Variants in ARPC3 observed in about 807,000 individuals in gnomAD.
The protein encoded by ARPC3 is actin related protein 2/3 complex subunit 3.
ARPC3 carries 12 observed loss-of-function variants against 27.6 expected under a neutral mutation model. That is an observed-to-expected ratio of 0.43 (90% CI 0.28 to 0.70). ARPC3 has a LOEUF of 0.70. Ranked by LOEUF, ARPC3 falls within the 30% of genes least tolerant of loss-of-function variation. The pLI is 0.17. For missense variants in ARPC3, 153 were observed against 207.7 expected, an observed-to-expected ratio of 0.74 and a Z score of 1.62; for synonymous variants, 53 against 67.2, an observed-to-expected ratio of 0.79 and a Z score of 1.03.
chr12:110,435,304 T>C (rs565784881), intron 6 of ARPC3, 87 bp from the exon 7 acceptor site: 10 of 1,023,258 alleles, frequency 9.8e-6, no homozygotes, highest in South Asian at 2.8e-5. Flanking sequence ...TTCACATTAG[T>C]CTGGAATCTC....
chr12:110,438,608 AAC>A (rs886912061), intron 3 of ARPC3, among the ~76,000 whole-genome samples: 1 of 151,348 alleles, frequency 6.6e-6, no homozygotes, highest in African/African-American at 2.4e-5. Flanking sequence ...AAAACAAAAA[AAC>A]AACAAAAAAA....
At chr12:110,437,896 C>A (rs1026257510) in intron 3 of ARPC3, among the ~76,000 whole-genome samples, 1 of 152,174 alleles carries the variant, frequency 6.6e-6, no homozygotes, top group Admixed American at 6.6e-5. Context: ...ATTTGACTTG[C>A]TCCCAAAGAA....
In ARPC3 at chr12:110,448,790, G is replaced by GT. The variant is rs553811052; in HGVS notation, c.6+1464_6+1465insA. ...GCTTCTTTTTTTCCGGGGGGGGGGG[G>GT]GGTGGTGGTACAGAGTCTCACTCTG... On this transcript the variant is annotated intron_variant, in intron 1 of 6. Coordinates refer to ENST00000228825, the MANE Select transcript of ARPC3 (RefSeq NM_001278556.2). 4.3e-4 allele frequency among the ~76,000 whole-genome samples: 40 copies of GT among 93,090 alleles called. 1 individual carries two copies. Among genetic ancestry groups the GT allele is most frequent in the South Asian group, 3.7e-3 (7 of 1,892 alleles). 61.1% of individuals were successfully genotyped at this position (93,090 alleles called of 152,430 possible).
intron 6 of ARPC3, among the ~76,000 whole-genome samples, chr12:110,435,552 A>C (rs2062398487): frequency 6.6e-6 from 1 of 151,798 alleles, no homozygotes; most frequent in Admixed American, 6.6e-5. Context: ...GGATGGTCTC[A>C]ATCTCCTGAC....
At chr12:110,442,315 A>G (rs1450251199) in intron 2 of ARPC3, among the ~76,000 whole-genome samples, 1 of 152,168 alleles carries the variant, frequency 6.6e-6, no homozygotes, top group African/African-American at 2.4e-5. Flanking sequence ...TCCTAAAAAT[A>G]AAAAGTATTC....
Position 110,450,298 on chromosome 12 carries a change from T to C in ARPC3, c.-38A>G. Reference sequence around the variant, plus strand: ...CGGGTTTCAACCCAGAGGAGCAGGATCCAGGTACAGCGGAGCGCTTCCGGT... The same window carrying C: ...CGGGTTTCAACCCAGAGGAGCAGGACCCAGGTACAGCGGAGCGCTTCCGGT... On this transcript the variant is annotated 5_prime_UTR_variant, in exon 1 of 7. Coordinates refer to ENST00000228825, the MANE Select transcript of ARPC3 (RefSeq NM_001278556.2). 6.2e-7 allele frequency: 1 copy of C among 1,613,808 alleles called. No individual in the cohort carries two copies. The highest frequency in any genetic ancestry group is 8.5e-7 in the Non-Finnish European group (1 of 1,179,904).
At chr12:110,440,172 G>C in intron 3 of ARPC3, 140 bp downstream of exon 3, 1 of 663,268 alleles carries the variant, frequency 1.5e-6, no homozygotes, top group Non-Finnish European at 2.7e-6. Flanking sequence ...TTATACAAAA[G>C]CTAACATTAA....
chr12:110,445,266 T>C, intron 2 of ARPC3, 186 bp downstream of exon 2: 1 of 584,846 alleles, frequency 1.7e-6, no homozygotes, highest in South Asian at 2.0e-5. Context: ...GAAGAAATAA[T>C]ACAATTTCCT....
chr12:110,450,262 T>A lies in ARPC3; in HGVS notation c.-2A>T. 1 of 1,614,076 alleles carries A rather than the reference T, an allele frequency of 6.2e-7. No homozygotes were observed. The highest frequency in any genetic ancestry group is 1.7e-5 in the Admixed American group (1 of 60,014). ...CGTGGATCGAACCCTCACCGGCATC[T>A]TGGCGGCGCCCGGGTTTCAACCCAG... is the stretch of plus-strand genomic sequence containing the variant. On this transcript the variant is annotated 5_prime_UTR_variant, in exon 1 of 7. In the 5' UTR this introduces an upstream ATG that the reference lacks. Transcript: ENST00000228825.
At chr12:110,442,120 T>C (rs1013699604) in intron 2 of ARPC3, among the ~76,000 whole-genome samples, 3 of 151,852 alleles carry the variant, frequency 2.0e-5, no homozygotes, top group African/African-American at 7.3e-5. Context: ...GTGATCCTCC[T>C]GCCTCCTGAG....
At chr12:110,449,421 G>T (rs1341138251) in intron 1 of ARPC3, among the ~76,000 whole-genome samples, 1 of 151,954 alleles carries the variant, frequency 6.6e-6, no homozygotes, top group East Asian at 1.9e-4. Flanking sequence ...AATTAGCTGG[G>T]CGTGGTGGCG....
Position 110,435,247 on chromosome 12 carries a change from A to C in ARPC3, c.475-30T>G, listed in dbSNP as rs780975272. The C allele has an allele frequency of 1.3e-5, 20 of 1,532,006 alleles. No homozygotes were observed. In the South Asian group the frequency reaches 2.1e-4, roughly 16 times the overall value. 94.9% of individuals were successfully genotyped at this position (1,532,006 alleles called of 1,614,324 possible). On this transcript the variant is annotated intron_variant, in intron 6 of 6. Transcript: ENST00000228825. Reference sequence around the variant, plus strand: ...CAAGAGAGAACAACACAGAATGAACAGCGGGGTCAAATTACAATAGAATTT... The same window carrying C: ...CAAGAGAGAACAACACAGAATGAACCGCGGGGTCAAATTACAATAGAATTT...
chr12:110,449,723 T>C lies in ARPC3; in HGVS notation c.6+532A>G, dbSNP rs192610376. On this transcript the variant is annotated intron_variant, in intron 1 of 6. Coordinates refer to ENST00000228825, the MANE Select transcript of ARPC3 (RefSeq NM_001278556.2). ...TCATAATTTTTTACTCCCACTCTGATGGCACACGAAAAAGGAAATCTTTGG... is the reference window on the plus strand; with the variant it reads ...TCATAATTTTTTACTCCCACTCTGACGGCACACGAAAAAGGAAATCTTTGG... Among the ~76,000 whole-genome samples the C allele has an allele frequency of 3.5e-3, 528 of 152,266 alleles. 2 individuals carry two copies. Among genetic ancestry groups the C allele is most frequent in the African/African-American group, 0.012 (496 of 41,552 alleles).
At chr12:110,436,057 G>T in intron 6 of ARPC3, 53 bp downstream of exon 6, 3 of 1,357,532 alleles carry the variant, frequency 2.2e-6, no homozygotes, top group South Asian at 1.2e-5. Flanking sequence ...TTCAATGGTG[G>T]CTATGGGATA....
In ARPC3 at chr12:110,440,401, C is replaced by G; in HGVS notation, c.107-13G>C. 6.3e-7 allele frequency: 1 copy of G among 1,584,414 alleles called. No individual in the cohort carries two copies. Among genetic ancestry groups the G allele is most frequent in the South Asian group, 1.1e-5 (1 of 90,420 alleles). The stretch of plus-strand genomic sequence containing the variant: ...TCTGTATCTTTTGCTAAGCAGGACA[C>G]AAGGGAAGGAGCACAGAGAACATTA... On this transcript the variant is annotated splice_polypyrimidine_tract_variant and intron_variant, in intron 2 of 6. Coordinates refer to ENST00000228825, the MANE Select transcript of ARPC3 (RefSeq NM_001278556.2).
At chr12:110,445,587 A>G in intron 1 of ARPC3, 36 bp from the exon 2 acceptor site, 2 of 1,455,854 alleles carry the variant, frequency 1.4e-6, no homozygotes, top group Non-Finnish European at 1.9e-6. Context: ...ACAGAAGCAG[A>G]AAAAGAGCAA....
chr12:110,450,295 G>A lies in ARPC3; in HGVS notation c.-35C>T, dbSNP rs756341149. 6.2e-7 allele frequency: 1 copy of A among 1,613,964 alleles called. No homozygotes were observed. The highest frequency in any genetic ancestry group is 2.2e-5 in the East Asian group (1 of 44,872). ...GCCCGGGTTTCAACCCAGAGGAGCAGGATCCAGGTACAGCGGAGCGCTTCC... is the reference window on the plus strand; with the variant it reads ...GCCCGGGTTTCAACCCAGAGGAGCAAGATCCAGGTACAGCGGAGCGCTTCC... On this transcript the variant is annotated 5_prime_UTR_variant, in exon 1 of 7. Transcript: ENST00000228825.
chr12:110,448,645 C>T (rs1056014050), intron 1 of ARPC3, among the ~76,000 whole-genome samples: 12 of 145,856 alleles, frequency 8.2e-5, no homozygotes, highest in African/African-American at 3.2e-4. Flanking sequence ...AGGGTCACAC[C>T]CTGTCTCAAA....
intron 3 of ARPC3, 65 bp from the exon 4 acceptor site, chr12:110,437,217 C>T (rs2062411465): frequency 9.2e-7 from 1 of 1,092,024 alleles, no homozygotes; most frequent in Non-Finnish European, 1.4e-6. Context: ...GCAATGTATG[C>T]ATTCCATCTT....
Sources: allele counts gnomAD v4.1 joint callset (sites outside exome capture counted in the v4.1 genomes callset), GRCh38; gene constraint gnomAD v4.1.1; transcripts MANE v1.5; gene names NCBI Gene and HGNC (gene_info 2026-07-23, HGNC 2026-07-21).